The following POTEB3 variants were observed in gnomAD, a reference collection of about 807,000 sequenced individuals.
The protein encoded by POTEB3 is ANKRD26-like family B member 1.
Under a neutral mutation model 39.8 loss-of-function variants are expected in POTEB3, and 5 were observed. The observed-to-expected ratio is 0.13, with a 90% CI of 0.07 to 0.26. The LOEUF (loss-of-function observed/expected upper bound fraction) is 0.26, where lower values mean the gene tolerates loss of function less well. POTEB3 is among the 10% of genes least tolerant of loss of function. The pLI is 1.00. For synonymous variants in POTEB3, 5 were observed against 161.5 expected (o/e 0.03, Z 7.35); for missense variants, 24 against 475.6 (o/e 0.05, Z 8.83).
intron 3 of POTEB3, among the ~76,000 whole-genome samples, chr15:21,433,436 TC>T (rs1899056248): frequency 6.7e-6 from 1 of 149,520 alleles, no homozygotes; most frequent in African/African-American, 2.5e-5. Context: ...TTAGACTTAC[TC>T]TATCAAAATC....
At chr15:21,423,191 C>T (rs1898578401) in intron 6 of POTEB3, among the ~76,000 whole-genome samples, 1 of 132,604 alleles carries the variant, frequency 7.5e-6, no homozygotes, top group Admixed American at 7.4e-5. Flanking sequence ...ACCTCTGACT[C>T]CCTGGTTCAA....
chr15:21,413,506 T>TTATATA (rs1160375320), intron 9 of POTEB3, among the ~76,000 whole-genome samples: 4 of 1,460 alleles, frequency 2.7e-3, no homozygotes, highest in African/African-American at 0.016. Flanking sequence ...ATAAAGAAAA[T>TTATATA]TATATATATA....
At chr15:21,419,324 G>C in intron 9 of POTEB3, 140 bp downstream of exon 9, 1 of 74,622 alleles carries the variant, frequency 1.3e-5, no homozygotes, top group Non-Finnish European at 2.3e-5. Context: ...GGAAAAAACG[G>C]TAACTCATTG....
chr15:21,417,178 G>A lies in POTEB3; in HGVS notation c.1409+2286C>T, dbSNP rs1208124418. On this transcript the variant is annotated intron_variant, in intron 9 of 10. Transcript: ENST00000611217. Reference sequence around the variant, plus strand: ...GCTGACAGATTAAATAAAATGAGGTGGAAGAAAAGTGCCTAGATTTATTAC... The same window carrying A: ...GCTGACAGATTAAATAAAATGAGGTAGAAGAAAAGTGCCTAGATTTATTAC... 8.0e-5 allele frequency among the ~76,000 whole-genome samples: 6 copies of A among 75,112 alleles called. 3 individuals are homozygous for A. The highest frequency in any genetic ancestry group is 2.9e-4 in the African/African-American group (2 of 6,790). The allele number at this position is 75,112 out of a possible 152,430, so 49.3% of individuals were successfully genotyped here.
At chr15:21,433,455 G>A (rs1343423453) in intron 3 of POTEB3, among the ~76,000 whole-genome samples, 1 of 149,430 alleles carries the variant, frequency 6.7e-6, no homozygotes, top group Non-Finnish European at 1.5e-5. Flanking sequence ...ATCTTCAGGG[G>A]AAAACCTAGA....
intron 3 of POTEB3, among the ~76,000 whole-genome samples, chr15:21,434,064 CAAACAA>C (rs1899091819): frequency 1.0e-5 from 1 of 100,122 alleles, no homozygotes; most frequent in Admixed American, 1.1e-4. Flanking sequence ...CACACACACA[CAAACAA>C]AAACAAAAAC....
chr15:21,413,535 TATA>T, intron 9 of POTEB3, among the ~76,000 whole-genome samples: 1 of 24,810 alleles, frequency 4.0e-5, no homozygotes, highest in Non-Finnish European at 6.3e-5. Context: ...TATATATATA[TATA>T]TATATATATA....
At chr15:21,423,085 A>G (rs1479292687) in intron 6 of POTEB3, among the ~76,000 whole-genome samples, 1 of 146,668 alleles carries the variant, frequency 6.8e-6, no homozygotes, top group Non-Finnish European at 1.5e-5. Context: ...CACTATTATG[A>G]CAAATTTATT....
intron 5 of POTEB3, among the ~76,000 whole-genome samples, chr15:21,428,374 G>C (rs1898812760): frequency 6.8e-6 from 1 of 146,288 alleles, no homozygotes; most frequent in South Asian, 2.1e-4. Context: ...TTATCATTCA[G>C]GGCATCTCAA....
At chr15:21,422,581 T>C (rs1467987143) in intron 6 of POTEB3, among the ~76,000 whole-genome samples, 4 of 137,666 alleles carry the variant, frequency 2.9e-5, no homozygotes, top group East Asian at 4.3e-4. Context: ...ACTCTAAGGA[T>C]AGTAACAAGC....
chr15:21,433,221 G>A (rs1157253002), intron 3 of POTEB3, among the ~76,000 whole-genome samples: 1 of 151,436 alleles, frequency 6.6e-6, no homozygotes. Flanking sequence ...GTATTCAGTG[G>A]TTAAGCAGGA....
chr15:21,423,193 C>T (rs1898578516), intron 6 of POTEB3, among the ~76,000 whole-genome samples: 1 of 132,374 alleles, frequency 7.6e-6, no homozygotes, highest in Admixed American at 7.4e-5. Context: ...CTCTGACTCC[C>T]TGGTTCAAAT....
At chr15:21,430,793 C>T (rs1255566213) in intron 4 of POTEB3, among the ~76,000 whole-genome samples, 4 of 151,524 alleles carry the variant, frequency 2.6e-5, no homozygotes, top group South Asian at 2.1e-4. Context: ...AATAAGAGCT[C>T]TCTGCATGCT....
At chr15:21,414,462 T>G (rs1898377588) in intron 9 of POTEB3, among the ~76,000 whole-genome samples, 1 of 104,896 alleles carries the variant, frequency 9.5e-6, no homozygotes. Context: ...TACAGAAAAT[T>G]TTTGGTTAAA....
chr15:21,419,926 C>T (rs1194418504), intron 8 of POTEB3, among the ~76,000 whole-genome samples: 1 of 126,638 alleles, frequency 7.9e-6, no homozygotes, highest in African/African-American at 3.2e-5. Context: ...CTTTTATTCC[C>T]AAAAACTCTT....
At chr15:21,432,954 T>TAAAA (rs60113861) in intron 3 of POTEB3, among the ~76,000 whole-genome samples, 94 of 69,306 alleles carry the variant, frequency 1.4e-3, no homozygotes, top group Admixed American at 2.9e-3. Flanking sequence ...TCATCTCTAC[T>TAAAA]AAAAAAAAAA....
chr15:21,439,875 G>C lies in POTEB3; in HGVS notation c.137C>G (p.Ser46Cys), dbSNP rs1219691304. 6.5e-7 allele frequency: 1 copy of C among 1,535,820 alleles called. No individual in the cohort carries two copies. Among genetic ancestry groups the C allele is most frequent in the South Asian group, 1.2e-5 (1 of 86,352 alleles). Residue 46 changes from serine to cysteine, a missense_variant, in exon 1 of 11, where the codon TCT (serine) becomes TGT (cysteine). Coordinates refer to ENST00000611217, the MANE Select transcript of POTEB3 (RefSeq NM_207355.5). ...RGSGKSNMGT[S>C]GDHDDSFMKT... ...CATAAAGGAGTCGTCGTGGTCTCCA[G>C]AAGTGCCCATGTTGCTCTTGCCGCT...
chr15:21,410,016 A>G, intron 10 of POTEB3, among the ~76,000 whole-genome samples: 1 of 95,514 alleles, frequency 1.0e-5, no homozygotes, highest in Non-Finnish European at 1.9e-5. Flanking sequence ...TATATATGCA[A>G]CGTGCAAGAT....
At chr15:21,413,862 T>C (rs1436936323) in intron 9 of POTEB3, among the ~76,000 whole-genome samples, 6 of 69,864 alleles carry the variant, frequency 8.6e-5, no homozygotes, top group African/African-American at 1.4e-4. Flanking sequence ...CAATTTGACA[T>C]GAGATTTGGG....
Sources: allele counts gnomAD v4.1 joint callset (sites outside exome capture counted in the v4.1 genomes callset), GRCh38; gene constraint gnomAD v4.1.1; transcripts MANE v1.5; gene names NCBI Gene and HGNC (gene_info 2026-07-23, HGNC 2026-07-21).